RYR3: variants seen among roughly 807,000 people sequenced by gnomAD.
RYR3 encodes ryanodine receptor 3, also known as brain ryanodine receptor-calcium release channel.
RYR3 carries 207 observed loss-of-function variants against 584.3 expected under a neutral mutation model. The ratio of observed to expected loss-of-function variants is 0.35; its 90% CI spans 0.32 to 0.40. The LOEUF (loss-of-function observed/expected upper bound fraction) is 0.40. Among genes scored for constraint, RYR3 ranks in the 10% least tolerant of loss-of-function variants. RYR3 has a pLI of 1.00. For missense variants in RYR3, 5,616 were observed against 6,089.2 expected (o/e 0.92, Z 2.59); for synonymous variants, 2,416 against 2,248.5 (o/e 1.07, Z -2.11).
At chr15:33,708,325 A>G (rs899963373) in intron 43 of RYR3, among the ~76,000 whole-genome samples, 1 of 152,158 alleles carries the variant, frequency 6.6e-6, no homozygotes, top group Non-Finnish European at 1.5e-5. Context: ...AGGCAGAACC[A>G]ATTTATTCAT....
chr15:33,649,149 T>C lies in RYR3; in HGVS notation c.4056T>C (p.Tyr1352=). ...GGGTCGGATGGGTGACTCCAGACTA[T>C]CACTTGTACAGTGAAAAGTTTGACC... ...CVWVGWVTPD[Y]HLYSEKFDLN... Residue 1352 remains tyrosine (Y), a synonymous_variant, in exon 31 of 104, where the codon TAT becomes TAC. Coordinates refer to ENST00000634891, the MANE Select transcript of RYR3 (RefSeq NM_001036.6). 6.2e-7 allele frequency: 1 copy of C among 1,613,860 alleles called. No individual in the cohort carries two copies. The highest frequency in any genetic ancestry group is 8.5e-7 in the Non-Finnish European group (1 of 1,179,848).
intron 16 of RYR3, among the ~76,000 whole-genome samples, chr15:33,587,185 C>T (rs946512843): frequency 3.3e-5 from 5 of 152,192 alleles, no homozygotes; most frequent in South Asian, 2.1e-4. Flanking sequence ...GATCTGAAAT[C>T]GCTTTTCCAA....
At chr15:33,802,412 G>A (rs2075967373) in intron 69 of RYR3, among the ~76,000 whole-genome samples, 1 of 152,108 alleles carries the variant, frequency 6.6e-6, no homozygotes, top group Non-Finnish European at 1.5e-5. Context: ...TCCAATACCT[G>A]TTTTATTTCA....
intron 26 of RYR3, 74 bp from the exon 27 acceptor site, chr15:33,636,302 G>A (rs1400952802): frequency 1.5e-6 from 2 of 1,301,886 alleles, no homozygotes; most frequent in Non-Finnish European, 1.1e-6. Flanking sequence ...AGATATCGAA[G>A]ATATGGTCAT....
chr15:33,659,628 A>T (rs2063028221), intron 32 of RYR3, 92 bp from the exon 33 acceptor site: 3 of 780,000 alleles, frequency 3.8e-6, no homozygotes, highest in Middle Eastern at 5.0e-4. Flanking sequence ...CAGTCATTGG[A>T]ATGAGATTGT....
At chr15:33,328,852 T>C (rs1000944564) in intron 1 of RYR3, among the ~76,000 whole-genome samples, 5 of 152,204 alleles carry the variant, frequency 3.3e-5, no homozygotes, top group Non-Finnish European at 5.9e-5. Context: ...TTGCTTACTT[T>C]TTCTAGCTTG....
intron 42 of RYR3, among the ~76,000 whole-genome samples, chr15:33,706,422 C>T (rs1179048221): frequency 6.6e-6 from 1 of 152,144 alleles, no homozygotes; most frequent in African/African-American, 2.4e-5. Context: ...TGGCAACCAC[C>T]ATTCTACTTT....
At chr15:33,575,552 T>A (rs2058256045) in intron 12 of RYR3, among the ~76,000 whole-genome samples, 1 of 152,126 alleles carries the variant, frequency 6.6e-6, no homozygotes, top group African/African-American at 2.4e-5. Flanking sequence ...AATCAAGAAG[T>A]TCTTTGAAAC....
At chr15:33,788,814 C>G (rs2074908903) in intron 67 of RYR3, among the ~76,000 whole-genome samples, 1 of 152,222 alleles carries the variant, frequency 6.6e-6, no homozygotes, top group African/African-American at 2.4e-5. Flanking sequence ...AAGCGCTCTT[C>G]TAGGCTTTAA....
intron 8 of RYR3, among the ~76,000 whole-genome samples, chr15:33,547,277 A>T (rs904353124): frequency 1.3e-5 from 2 of 152,222 alleles, no homozygotes; most frequent in African/African-American, 2.4e-5. Context: ...GAGAAAGCAT[A>T]GCAGATCAGA....
At chr15:33,830,877 G>A in intron 85 of RYR3, 86 bp from the exon 86 acceptor site, 1 of 1,408,682 alleles carries the variant, frequency 7.1e-7, no homozygotes, top group Non-Finnish European at 9.7e-7. Flanking sequence ...AGAGATGCAG[G>A]ATTATCATGT....
intron 38 of RYR3, 112 bp downstream of exon 38, chr15:33,670,668 C>A: frequency 9.2e-7 from 1 of 1,090,190 alleles, no homozygotes; most frequent in Non-Finnish European, 1.3e-6. Flanking sequence ...TCAAAGAAAG[C>A]ATCTGGGCAG....
At chr15:33,330,782 A>G (rs1008486466) in intron 1 of RYR3, among the ~76,000 whole-genome samples, 23 of 152,262 alleles carry the variant, frequency 1.5e-4, no homozygotes, top group African/African-American at 5.5e-4. Flanking sequence ...AGGGTTATCA[A>G]TCCCCTTCGT....
intron 38 of RYR3, among the ~76,000 whole-genome samples, chr15:33,690,044 C>T (rs938834692): frequency 2.0e-5 from 3 of 152,190 alleles, no homozygotes; most frequent in African/African-American, 7.2e-5. Context: ...AATTGGTGTA[C>T]GTCCTGAGTC....
chr15:33,583,197 A>G (rs77923439), intron 14 of RYR3, among the ~76,000 whole-genome samples: 30 of 152,302 alleles, frequency 2.0e-4, no homozygotes, highest in African/African-American at 6.3e-4. Context: ...ACAAATTCTT[A>G]GGTGATGCTG....
intron 12 of RYR3, among the ~76,000 whole-genome samples, chr15:33,572,688 C>CACACACACACACACACACATAT (rs368204203): frequency 7.6e-6 from 1 of 131,394 alleles, no homozygotes; most frequent in African/African-American, 2.8e-5. Context: ...CACACACACA[C>CACACACACACACACACACATAT]ACTGGGCTGG....
At chr15:33,626,334 A>G (rs1002387400) in intron 20 of RYR3, among the ~76,000 whole-genome samples, 1 of 152,170 alleles carries the variant, frequency 6.6e-6, no homozygotes, top group Non-Finnish European at 1.5e-5. Flanking sequence ...CTCCTATGCA[A>G]AGAGACTGGC....
chr15:33,324,624 G>T (rs1969442239), intron 1 of RYR3, among the ~76,000 whole-genome samples: 1 of 152,276 alleles, frequency 6.6e-6, no homozygotes, highest in Middle Eastern at 3.4e-3. Flanking sequence ...TCAGGGGCCA[G>T]AAGTTTTGTT....
In RYR3 at chr15:33,844,924, T is replaced by C. The variant is rs530205757; in HGVS notation, c.13359T>C (p.Asn4453=). The C allele has an allele frequency of 2.5e-5, 41 of 1,614,022 alleles. 1 individual carries two copies. The South Asian group carries it at 4.3e-4, about 17-fold the overall frequency. ...TTGCAAACCTATGGAATTCCTTTAA[T>C]GACGAGGAAGAGGAAGAAGCGATGG... ...EDVANLWNSF[N]DEEEEEAMVF... is the part of the protein sequence containing the mutation. Residue 4453 remains asparagine (N), a synonymous_variant, in exon 93 of 104, where the codon AAT becomes AAC. Transcript: ENST00000634891.
Sources: allele counts gnomAD v4.1 joint callset (sites outside exome capture counted in the v4.1 genomes callset), GRCh38; gene constraint gnomAD v4.1.1; transcripts MANE v1.5; gene names NCBI Gene and HGNC (gene_info 2026-07-23, HGNC 2026-07-21).